The following RAB3GAP2 variants were observed in gnomAD, a reference collection of about 807,000 sequenced individuals.
RAB3GAP2 encodes rab3 GTPase-activating protein non-catalytic subunit.
Under a neutral mutation model 185.3 loss-of-function variants are expected in RAB3GAP2, and 87 were observed. The observed-to-expected ratio is 0.47, with a 90% CI of 0.39 to 0.56. The LOEUF (loss-of-function observed/expected upper bound fraction) is 0.56, where lower values mean the gene tolerates loss of function less well. Among genes scored for constraint, RAB3GAP2 ranks in the 20% least tolerant of loss-of-function variants. The pLI is 0.00. For missense variants in RAB3GAP2, 1,492 were observed against 1,638.2 expected (o/e 0.91, Z 1.54); for synonymous variants, 554 against 576.1 (o/e 0.96, Z 0.55).
intron 19 of RAB3GAP2, among the ~76,000 whole-genome samples, chr1:220,183,216 T>C (rs1348971353): frequency 6.6e-6 from 1 of 152,096 alleles, no homozygotes; most frequent in African/African-American, 2.4e-5. Context: ...AGGATATTTC[T>C]TGAGGGTACT....
chr1:220,206,146 AT>A (rs1658961185), intron 7 of RAB3GAP2, 140 bp from the exon 8 acceptor site: 4 of 599,048 alleles, frequency 6.7e-6, no homozygotes, highest in Non-Finnish European at 1.2e-5. Context: ...GTAAAAATAG[AT>A]AAAAAATTAA....
At chr1:220,164,656 C>T in intron 27 of RAB3GAP2, 77 bp downstream of exon 27, 1 of 1,536,342 alleles carries the variant, frequency 6.5e-7, no homozygotes, top group Non-Finnish European at 8.8e-7. Flanking sequence ...GGTTGTAAAT[C>T]TTTAAATTCA....
At chr1:220,259,114 T>G (rs1660087527) in intron 1 of RAB3GAP2, among the ~76,000 whole-genome samples, 1 of 152,168 alleles carries the variant, frequency 6.6e-6, no homozygotes, top group Non-Finnish European at 1.5e-5. Flanking sequence ...TCCATGCTCA[T>G]GGATAGGAAG....
chr1:220,205,839 C>A (rs544639413), intron 8 of RAB3GAP2, 68 bp downstream of exon 8: 1 of 1,158,458 alleles, frequency 8.6e-7, no homozygotes, highest in Admixed American at 1.9e-5. Context: ...ATACTTAATT[C>A]CATAAGCAGG....
chr1:220,246,194 G>A (rs111932024), intron 1 of RAB3GAP2, among the ~76,000 whole-genome samples: 45 of 152,292 alleles, frequency 3.0e-4, no homozygotes, highest in Middle Eastern at 3.4e-3. Context: ...ATCACTGGCC[G>A]TCAGAGAAAT....
intron 2 of RAB3GAP2, among the ~76,000 whole-genome samples, chr1:220,229,462 C>G (rs371178174): frequency 1.3e-5 from 2 of 152,284 alleles, no homozygotes; most frequent in East Asian, 3.9e-4. Flanking sequence ...TTCTTTTCTA[C>G]TCATTAGGTT....
chr1:220,231,417 C>A (rs1477701945), intron 2 of RAB3GAP2, among the ~76,000 whole-genome samples: 1 of 152,204 alleles, frequency 6.6e-6, no homozygotes, highest in African/African-American at 2.4e-5. Flanking sequence ...ATCACATTAC[C>A]ATTTGAATTA....
Position 220,196,354 on chromosome 1 carries a change from T to C in RAB3GAP2, c.856A>G (p.Asn286Asp). ...ATTGCTGCATTAAATCCACCTATAT[T>C]GGAGGCAGTCTTCATTTGATCAAAG... ...SPFDQMKTAS[N>D]IGGFNAAIKN... The change falls in exon 10 of 35, where the codon AAT (asparagine) becomes GAT (aspartate). Residue 286 changes from asparagine to aspartate, a missense_variant. This residue lies in a region of RAB3GAP2 where 243 missense variants were observed against 314.8 expected (regional missense o/e 0.77). Coordinates refer to ENST00000358951, the MANE Select transcript of RAB3GAP2 (RefSeq NM_012414.4). The C allele has an allele frequency of 6.2e-7, 1 of 1,607,830 alleles. No individual in the cohort carries two copies. Among genetic ancestry groups the C allele is most frequent in the South Asian group, 1.1e-5 (1 of 90,938 alleles).
intron 1 of RAB3GAP2, among the ~76,000 whole-genome samples, chr1:220,251,679 G>A (rs1659933111): frequency 1.3e-5 from 2 of 151,570 alleles, no homozygotes; most frequent in Non-Finnish European, 2.9e-5. Context: ...AGATAGGACT[G>A]AACCTGAAAA....
intron 2 of RAB3GAP2, among the ~76,000 whole-genome samples, chr1:220,218,847 T>C (rs1325986765): frequency 1.3e-5 from 2 of 152,180 alleles, no homozygotes; most frequent in Non-Finnish European, 2.9e-5. Context: ...GGGGAGCAGC[T>C]GTATACCTAT....
intron 2 of RAB3GAP2, among the ~76,000 whole-genome samples, chr1:220,222,501 C>T (rs1028438690): frequency 1.3e-5 from 2 of 152,126 alleles, no homozygotes; most frequent in Admixed American, 6.5e-5. Flanking sequence ...AAGACATGAA[C>T]TCTTTCTAAA....
At chr1:220,168,589 G>T (rs946046250) in intron 24 of RAB3GAP2, among the ~76,000 whole-genome samples, 8 of 151,372 alleles carry the variant, frequency 5.3e-5, no homozygotes, top group Non-Finnish European at 1.2e-4. Flanking sequence ...TAGAGACAGG[G>T]TTTCACCATG....
chr1:220,219,862 T>C (rs1659272724), intron 2 of RAB3GAP2, among the ~76,000 whole-genome samples: 1 of 152,202 alleles, frequency 6.6e-6, no homozygotes, highest in African/African-American at 2.4e-5. Context: ...GAAATAGGGC[T>C]GTAAACAACA....
intron 1 of RAB3GAP2, among the ~76,000 whole-genome samples, chr1:220,243,279 G>C (rs374910129): frequency 2.6e-5 from 4 of 151,492 alleles, no homozygotes; most frequent in East Asian, 1.9e-4. Context: ...GTGTGAACCT[G>C]GGAGGCAGAG....
At chr1:220,272,167 T>C (rs1660347389) in intron 1 of RAB3GAP2, 56 bp downstream of exon 1, 2 of 1,440,270 alleles carry the variant, frequency 1.4e-6, no homozygotes, top group East Asian at 4.7e-5. Context: ...CTCGAACCCG[T>C]GAGCAGAGGC....
chr1:220,240,367 T>C (rs1659668323), intron 1 of RAB3GAP2, among the ~76,000 whole-genome samples: 1 of 152,238 alleles, frequency 6.6e-6, no homozygotes, highest in Non-Finnish European at 1.5e-5. Flanking sequence ...AAGATATTTC[T>C]ACTTTGTTTT....
At chr1:220,249,929 G>C (rs1038769370) in intron 1 of RAB3GAP2, among the ~76,000 whole-genome samples, 1 of 152,186 alleles carries the variant, frequency 6.6e-6, no homozygotes, top group Non-Finnish European at 1.5e-5. Context: ...GGAGATGCCT[G>C]GATGTCCAAG....
rs576041163 is a variant in RAB3GAP2 at position 220,272,424 on chromosome 1, T to C, written c.-87A>G. On this transcript the variant is annotated 5_prime_UTR_variant, in exon 1 of 35. Transcript: ENST00000358951. ...CACTGCGGCCGCCACCGAGCCCCAA[T>C]AGCTCTAGCCAAGCAGAAGGCGGAG... 365 of 847,126 alleles carry C rather than the reference T, an allele frequency of 4.3e-4. No individual in the cohort carries two copies. Among genetic ancestry groups the C allele is most frequent in the Middle Eastern group, 2.9e-3 (11 of 3,770 alleles). 52.5% of individuals were successfully genotyped at this position (847,126 alleles called of 1,614,324 possible).
chr1:220,164,872 G>C, intron 26 of RAB3GAP2, 73 bp from the exon 27 acceptor site: 4 of 1,397,920 alleles, frequency 2.9e-6, no homozygotes, highest in Non-Finnish European at 4.0e-6. Flanking sequence ...TATCAATGGA[G>C]ACTTCTTACA....
Sources: allele counts gnomAD v4.1 joint callset (sites outside exome capture counted in the v4.1 genomes callset), GRCh38; gene constraint gnomAD v4.1.1; regional missense constraint gnomAD v4.1.1; transcripts MANE v1.5; gene names NCBI Gene and HGNC (gene_info 2026-07-23, HGNC 2026-07-21).